The following IL1RAPL2 variants were observed in gnomAD, a reference collection of about 807,000 sequenced individuals.
The protein encoded by IL1RAPL2 is interleukin 1 receptor accessory protein like 2.
Under a neutral mutation model 44.1 loss-of-function variants are expected in IL1RAPL2, and 3 were observed. The observed-to-expected ratio is 0.07, with a 90% CI of 0.03 to 0.18. The LOEUF (loss-of-function observed/expected upper bound fraction) is 0.18, where lower values mean the gene tolerates loss of function less well. Among genes scored for constraint, IL1RAPL2 ranks in the 10% least tolerant of loss-of-function variants. IL1RAPL2 has a pLI of 1.00. For synonymous variants in IL1RAPL2, 181 were observed against 178.8 expected, an observed-to-expected ratio of 1.01 and a Z score of -0.10; for missense variants, 391 against 496.4, an observed-to-expected ratio of 0.79 and a Z score of 2.02.
At chrX:104,597,064 G>T (rs1415765747) in intron 1 of IL1RAPL2, among the ~76,000 whole-genome samples, 1 of 111,235 alleles carries the variant, frequency 9.0e-6, no homozygotes, top group African/African-American at 3.3e-5. Flanking sequence ...GGCCAGGCAT[G>T]GTGTCTCACG....
In IL1RAPL2 at chrX:105,748,975, T is replaced by C. The variant is rs2038573467; in HGVS notation, c.1064T>C (p.Ile355Thr). The change falls in exon 9 of 11, where the codon ATT (isoleucine) becomes ACT (threonine). Residue 355 changes from isoleucine (I) to threonine (T), a missense_variant. By Grantham distance (89) the Ile-to-Thr change is moderately conservative. Coordinates refer to ENST00000372582, the MANE Select transcript of IL1RAPL2 (RefSeq NM_017416.2). Reference sequence around the variant, plus strand: ...TTCGCTCCAGATTTAATCTATAAAATTGAGCTTGCAGGGGGCCTGGGAGCA... The same window carrying C: ...TTCGCTCCAGATTTAATCTATAAAACTGAGCTTGCAGGGGGCCTGGGAGCA... ...LLRKKDLIYK[I>T]ELAGGLGAIF... 3 of 1,209,705 alleles carry C rather than the reference T, an allele frequency of 2.5e-6. No individual in the cohort carries two copies. In the East Asian group the frequency reaches 8.9e-5, roughly 36 times the overall value.
chrX:105,331,207 T>C (rs1172391676), intron 5 of IL1RAPL2, among the ~76,000 whole-genome samples: 1 of 111,333 alleles, frequency 9.0e-6, no homozygotes, highest in Non-Finnish European at 1.9e-5. Flanking sequence ...GGCTTATGCA[T>C]GGTCTGTCAC....
At chrX:105,494,530 C>T (rs1490532524) in intron 6 of IL1RAPL2, among the ~76,000 whole-genome samples, 1 of 111,801 alleles carries the variant, frequency 8.9e-6, no homozygotes, top group Non-Finnish European at 1.9e-5. Flanking sequence ...ATCATTTAGA[C>T]AATTCCATTA....
intron 4 of IL1RAPL2, among the ~76,000 whole-genome samples, chrX:105,256,119 T>C (rs2034312383): frequency 9.0e-6 from 1 of 111,199 alleles, no homozygotes; most frequent in South Asian, 3.8e-4. Flanking sequence ...TTTGTTGTTG[T>C]GTCTCTGTCA....
At chrX:105,489,585 T>G (rs1170830763) in intron 6 of IL1RAPL2, among the ~76,000 whole-genome samples, 2 of 111,438 alleles carry the variant, frequency 1.8e-5, no homozygotes, top group African/African-American at 6.5e-5. Flanking sequence ...GCTATCTAAT[T>G]TTAATTAAAG....
At chrX:105,399,702 T>C (rs762739722) in intron 5 of IL1RAPL2, among the ~76,000 whole-genome samples, 115 of 111,718 alleles carry the variant, frequency 1.0e-3, no homozygotes, top group African/African-American at 3.5e-3. Flanking sequence ...TTTTAATTTT[T>C]CAACTTCATT....
intron 2 of IL1RAPL2, among the ~76,000 whole-genome samples, chrX:105,048,573 G>T (rs1164182369): frequency 1.8e-5 from 2 of 111,224 alleles, no homozygotes; most frequent in East Asian, 5.7e-4. Context: ...TCAAGACCTA[G>T]TGTATATTTT....
chrX:104,930,555 CAGACG>C (rs1457101916), intron 2 of IL1RAPL2, among the ~76,000 whole-genome samples: 1 of 111,950 alleles, frequency 8.9e-6, no homozygotes, highest in Non-Finnish European at 1.9e-5. Flanking sequence ...CTCTGTTTTA[CAGACG>C]AGGAAGCAGA....
intron 2 of IL1RAPL2, among the ~76,000 whole-genome samples, chrX:105,038,290 T>A (rs2031664029): frequency 8.9e-6 from 1 of 111,932 alleles, no homozygotes; most frequent in South Asian, 3.7e-4. Context: ...AACCTCTCAG[T>A]AGCATCTGAT....
At chrX:105,678,366 T>G (rs2037892115) in intron 6 of IL1RAPL2, among the ~76,000 whole-genome samples, 1 of 112,022 alleles carries the variant, frequency 8.9e-6, no homozygotes, top group Non-Finnish European at 1.9e-5. Flanking sequence ...GTTATACTCA[T>G]TTAGTTATTT....
intron 5 of IL1RAPL2, among the ~76,000 whole-genome samples, chrX:105,457,246 T>C (rs749764422): frequency 8.9e-6 from 1 of 111,782 alleles, no homozygotes; most frequent in South Asian, 3.7e-4. Context: ...TGGTGGTAAA[T>C]ATACATAACA....
At chrX:104,897,990 C>T (rs1433581245) in intron 2 of IL1RAPL2, among the ~76,000 whole-genome samples, 1 of 112,186 alleles carries the variant, frequency 8.9e-6, no homozygotes, top group Non-Finnish European at 1.9e-5. Context: ...GGGTCCTACT[C>T]AAGACTTAAC....
chrX:105,026,594 A>G (rs73518220), intron 2 of IL1RAPL2, among the ~76,000 whole-genome samples: 7,567 of 110,661 alleles, frequency 0.068, 688 homozygotes, highest in African/African-American at 0.24. Context: ...TCTGTTTACA[A>G]TAGCCACAGA....
At chrX:105,583,479 G>T (rs1319278942) in intron 6 of IL1RAPL2, among the ~76,000 whole-genome samples, 1 of 111,486 alleles carries the variant, frequency 9.0e-6, no homozygotes, top group Non-Finnish European at 1.9e-5. Flanking sequence ...CAGGTTATCT[G>T]GTTTTTCTGC....
chrX:105,743,387 TCAC>T (rs1425637986), intron 8 of IL1RAPL2, among the ~76,000 whole-genome samples: 1 of 111,489 alleles, frequency 9.0e-6, no homozygotes, highest in East Asian at 2.9e-4. Context: ...TTTCTCATGT[TCAC>T]CAAACACAGT....
At chrX:104,662,644 C>G (rs1207507105) in intron 2 of IL1RAPL2, among the ~76,000 whole-genome samples, 1 of 111,414 alleles carries the variant, frequency 9.0e-6, no homozygotes, top group Non-Finnish European at 1.9e-5. Flanking sequence ...TACTCTTCCT[C>G]AAGAAGTCAC....
intron 5 of IL1RAPL2, among the ~76,000 whole-genome samples, chrX:105,317,465 G>C (rs183431290): frequency 8.9e-6 from 1 of 111,858 alleles, no homozygotes; most frequent in East Asian, 2.8e-4. Context: ...TTGAGATTTT[G>C]GAGGAACCAA....
intron 1 of IL1RAPL2, among the ~76,000 whole-genome samples, chrX:104,585,358 ATATT>A (rs200242945): frequency 0.028 from 726 of 25,746 alleles, 99 homozygotes; most frequent in African/African-American, 0.21. Flanking sequence ...TATATTATAT[ATATT>A]ATATATATTA....
At chrX:105,017,442 G>A (rs957861) in intron 2 of IL1RAPL2, among the ~76,000 whole-genome samples, 7,412 of 111,186 alleles carry the variant, frequency 0.067, 653 homozygotes, top group African/African-American at 0.23. Flanking sequence ...TTATGCAAGT[G>A]AGTCAGATTT....
Sources: gnomAD v4.1 joint callset for allele counts (sites outside exome capture counted in the v4.1 genomes callset) on GRCh38, gnomAD v4.1.1 for gene constraint, MANE v1.5 for transcripts, NCBI Gene and HGNC (gene_info 2026-07-23, HGNC 2026-07-21) for gene names.